The following DLC1 variants were observed in gnomAD, a reference collection of about 807,000 sequenced individuals.
DLC1 encodes DLC1 Rho GTPase activating protein.
In DLC1, 54 loss-of-function variants were observed where a neutral mutation model predicts 140.3. The ratio of observed to expected loss-of-function variants is 0.38; its 90% CI spans 0.31 to 0.48. DLC1 has a LOEUF of 0.48. Among genes scored for constraint, DLC1 ranks in the 20% least tolerant of loss-of-function variants. The pLI, the probability that DLC1 is intolerant of heterozygous loss-of-function variation, is 0.96. For synonymous variants in DLC1, 986 were observed against 728.1 expected, an observed-to-expected ratio of 1.35 and a Z score of -5.70; for missense variants, 2,536 against 1,907.0, an observed-to-expected ratio of 1.33 and a Z score of -6.14.
At chr8:13,353,130 G>C (rs1283874674) in intron 4 of DLC1, among the ~76,000 whole-genome samples, 8 of 152,104 alleles carry the variant, frequency 5.3e-5, no homozygotes, top group Non-Finnish European at 1.2e-4. Context: ...GTGGCTATAC[G>C]TGGCTTTCCT....
At chr8:13,429,936 A>G (rs1838781063) in intron 2 of DLC1, among the ~76,000 whole-genome samples, 1 of 152,226 alleles carries the variant, frequency 6.6e-6, no homozygotes, top group Non-Finnish European at 1.5e-5. Context: ...TATCATATTT[A>G]AATGCTATCT....
chr8:13,547,508 A>G (rs184611137), intron 1 of DLC1, among the ~76,000 whole-genome samples: 42 of 152,190 alleles, frequency 2.8e-4, no homozygotes, highest in Middle Eastern at 3.4e-3. Flanking sequence ...AGGCACCAGG[A>G]TAATGATTCT....
intron 5 of DLC1, chr8:13,276,233 C>T (rs1424944460): frequency 1.3e-6 from 2 of 1,534,336 alleles, no homozygotes; most frequent in Admixed American, 2.0e-5. Flanking sequence ...CCCCTCACCC[C>T]CGGTCTCCAA....
At chr8:13,333,380 C>T (rs141785763) in intron 4 of DLC1, among the ~76,000 whole-genome samples, 3 of 150,570 alleles carry the variant, frequency 2.0e-5, no homozygotes, top group Admixed American at 6.7e-5. Context: ...TGAGCACCAC[C>T]GTGCCTGGCT....
chr8:13,467,767 C>T (rs147679085), intron 2 of DLC1, among the ~76,000 whole-genome samples: 2,264 of 152,236 alleles, frequency 0.015, 27 homozygotes, highest in African/African-American at 0.022. Context: ...CAACTTTTTC[C>T]AAATACTTTT....
intron 4 of DLC1, among the ~76,000 whole-genome samples, chr8:13,334,640 T>G (rs1563261487): frequency 6.6e-6 from 1 of 152,056 alleles, no homozygotes; most frequent in East Asian, 1.9e-4. Flanking sequence ...TGGGCAGGAC[T>G]TACTAACGCA....
At chr8:13,552,111 G>GTATATATATA (rs3066465) in intron 1 of DLC1, among the ~76,000 whole-genome samples, 2,486 of 54,198 alleles carry the variant, frequency 0.046, 95 homozygotes, top group African/African-American at 0.071. Flanking sequence ...GTCTAGAGGT[G>GTATATATATA]TATATATATA....
chr8:13,337,915 T>C (rs1833875213), intron 4 of DLC1, among the ~76,000 whole-genome samples: 2 of 152,210 alleles, frequency 1.3e-5, no homozygotes, highest in Non-Finnish European at 2.9e-5. Flanking sequence ...CATATAGGAA[T>C]TGTATATGCA....
chr8:13,453,398 A>ATATATATATATATATG (rs1799165505), intron 2 of DLC1, among the ~76,000 whole-genome samples: 1 of 35,292 alleles, frequency 2.8e-5, no homozygotes, highest in East Asian at 8.4e-4. Context: ...ATATATATAT[A>ATATATATATATATATG]TATGTGTATA....
chr8:13,313,492 A>C (rs1342447831), intron 4 of DLC1, among the ~76,000 whole-genome samples: 1 of 152,182 alleles, frequency 6.6e-6, no homozygotes, highest in East Asian at 1.9e-4. Flanking sequence ...ATAGGGGTAG[A>C]TATAGTATCT....
intron 1 of DLC1, among the ~76,000 whole-genome samples, chr8:13,540,311 A>C (rs1009965401): frequency 5.3e-5 from 8 of 152,220 alleles, no homozygotes; most frequent in African/African-American, 1.9e-4. Context: ...TTAGTAAAAT[A>C]CTGTTATGTT....
intron 1 of DLC1, among the ~76,000 whole-genome samples, chr8:13,595,478 G>A (rs1175412751): frequency 6.6e-6 from 1 of 151,734 alleles, no homozygotes; most frequent in African/African-American, 2.4e-5. Context: ...TTGACAATGT[G>A]CCCCACATGT....
At chr8:13,206,716 TA>T (rs1272246987) in intron 5 of DLC1, among the ~76,000 whole-genome samples, 1 of 152,116 alleles carries the variant, frequency 6.6e-6, no homozygotes, top group African/African-American at 2.4e-5. Flanking sequence ...ATGTTTTCAT[TA>T]AAAAAACCCA....
chr8:13,277,834 A>G (rs1210657719), intron 5 of DLC1, among the ~76,000 whole-genome samples: 2 of 152,200 alleles, frequency 1.3e-5, no homozygotes, highest in African/African-American at 4.8e-5. Context: ...GTAAATTTCA[A>G]GAAGCCATGC....
chr8:13,214,027 G>A (rs565217375), intron 5 of DLC1, among the ~76,000 whole-genome samples: 12 of 152,236 alleles, frequency 7.9e-5, no homozygotes, highest in East Asian at 1.9e-4. Flanking sequence ...CAAGTGATCC[G>A]TCCACTTCAG....
At chr8:13,548,312 G>A (rs6987696) in intron 1 of DLC1, among the ~76,000 whole-genome samples, 41,007 of 151,602 alleles carry the variant, frequency 0.27, 5,998 homozygotes, top group South Asian at 0.39. Flanking sequence ...CATTTGTAAC[G>A]CTCACAAACT....
chr8:13,240,764 G>A (rs1829512466), intron 5 of DLC1, among the ~76,000 whole-genome samples: 2 of 152,214 alleles, frequency 1.3e-5, no homozygotes, highest in African/African-American at 2.4e-5. Flanking sequence ...AACTTTCACT[G>A]CCTAAGTTGG....
chr8:13,500,724 T>C (rs560254592), intron 1 of DLC1, among the ~76,000 whole-genome samples: 1 of 152,294 alleles, frequency 6.6e-6, no homozygotes, highest in East Asian at 1.9e-4. Context: ...AAACGACCAG[T>C]ATGTAGTTAC....
At chr8:13,431,325 T>C (rs140042070) in intron 2 of DLC1, among the ~76,000 whole-genome samples, 4 of 150,486 alleles carry the variant, frequency 2.7e-5, no homozygotes, top group African/African-American at 9.8e-5. Flanking sequence ...CTACTCAAAA[T>C]AGAAAAAATT....
Sources: gnomAD v4.1 joint callset for allele counts (sites outside exome capture counted in the v4.1 genomes callset) on GRCh38, gnomAD v4.1.1 for gene constraint, MANE v1.5 for transcripts, NCBI Gene and HGNC (gene_info 2026-07-23, HGNC 2026-07-21) for gene names.